RAD51B: variants seen among roughly 807,000 people sequenced by gnomAD.
The protein encoded by RAD51B is DNA repair protein RAD51 homolog 2.
RAD51B carries 38 observed loss-of-function variants against 42.2 expected under a neutral mutation model. The observed-to-expected ratio is 0.90, with a 90% CI of 0.70 to 1.18. The LOEUF is 1.18. Ranked by LOEUF, RAD51B falls within the 50% of genes most tolerant of loss-of-function variation. The probability of loss-of-function intolerance (pLI) is 0.00; values close to 1 mark genes in which losing one functional copy is unlikely to be tolerated. For synonymous variants in RAD51B, 154 were observed against 145.2 expected (o/e 1.06, Z -0.43); for missense variants, 373 against 400.7 (o/e 0.93, Z 0.59).
chr14:67,875,981 T>C (rs2042713316), intron 5 of RAD51B, among the ~76,000 whole-genome samples: 1 of 152,224 alleles, frequency 6.6e-6, no homozygotes, highest in South Asian at 2.1e-4. Flanking sequence ...GATAGTTTCA[T>C]GACACTGGGT....
chr14:68,064,698 T>C (rs1352921819), intron 7 of RAD51B, among the ~76,000 whole-genome samples: 1 of 152,088 alleles, frequency 6.6e-6, no homozygotes, highest in East Asian at 1.9e-4. Context: ...CTGAGTTATT[T>C]CAAAAACTTG....
intron 10 of RAD51B, among the ~76,000 whole-genome samples, chr14:68,607,666 G>C (rs770997500): frequency 6.6e-6 from 1 of 152,128 alleles, no homozygotes. Context: ...TCTTCTTCCC[G>C]GGGTCTCTGC....
intron 10 of RAD51B, among the ~76,000 whole-genome samples, chr14:68,492,599 AC>A (rs1884162559): frequency 6.6e-6 from 1 of 152,234 alleles, no homozygotes; most frequent in South Asian, 2.1e-4. Context: ...TTTTGAAGTT[AC>A]AAATTGCTAC....
chr14:68,292,801 C>G (rs866393166), intron 8 of RAD51B, among the ~76,000 whole-genome samples: 1 of 152,296 alleles, frequency 6.6e-6, no homozygotes, highest in Middle Eastern at 3.4e-3. Context: ...TTAGAAATTG[C>G]AAGAACCACA....
At chr14:68,196,053 G>T (rs1376951299) in intron 7 of RAD51B, among the ~76,000 whole-genome samples, 3 of 149,248 alleles carry the variant, frequency 2.0e-5, no homozygotes, top group Non-Finnish European at 4.5e-5. Context: ...AATACAAAAA[G>T]ATTAGCTGGG....
intron 5 of RAD51B, among the ~76,000 whole-genome samples, chr14:67,881,634 G>T (rs1184910458): frequency 6.6e-6 from 1 of 152,186 alleles, no homozygotes; most frequent in African/African-American, 2.4e-5. Context: ...CCTGGAAACT[G>T]CCTCTGGAGC....
Position 68,447,205 on chromosome 14 carries a change from T to C in RAD51B, c.958-20967T>C, listed in dbSNP as rs537408699. ...TGCACTCCAGCCTGGGCAACAAGAG[T>C]GAAACTCCATCTCAATAAAAATAAT... is the stretch of plus-strand genomic sequence containing the variant. On this transcript the variant is annotated intron_variant, in intron 9 of 10. Transcript: ENST00000471583. Among the ~76,000 whole-genome samples the C allele has an allele frequency of 7.9e-5, 12 of 152,076 alleles. No homozygotes were observed. The South Asian group carries it at 2.3e-3, about 29-fold the overall frequency.
chr14:68,324,275 A>C (rs1378110152), intron 8 of RAD51B, among the ~76,000 whole-genome samples: 1 of 152,210 alleles, frequency 6.6e-6, no homozygotes, highest in Non-Finnish European at 1.5e-5. Context: ...ATCTATACCC[A>C]ACCCGCACAT....
chr14:68,422,225 G>C (rs1594812600), intron 9 of RAD51B: 3 of 953,684 alleles, frequency 3.1e-6, no homozygotes. Context: ...TTCCTCAGCG[G>C]TGGCGTCCGC....
intron 7 of RAD51B, among the ~76,000 whole-genome samples, chr14:68,017,969 C>CAAATAAAT (rs1566581606): frequency 8.0e-6 from 1 of 124,900 alleles, no homozygotes; most frequent in African/African-American, 3.6e-5. Flanking sequence ...GACTCCGTCT[C>CAAATAAAT]GAATAAATAA....
At chr14:68,607,328 A>G (rs779652287) in intron 10 of RAD51B, among the ~76,000 whole-genome samples, 1 of 152,144 alleles carries the variant, frequency 6.6e-6, no homozygotes, top group Non-Finnish European at 1.5e-5. Flanking sequence ...TTCTTGTCCC[A>G]ATCCTGAGAG....
intron 9 of RAD51B, chr14:68,422,144 C>A: frequency 7.3e-7 from 1 of 1,373,958 alleles, no homozygotes; most frequent in Non-Finnish European, 1.0e-6. Context: ...GGAGACATGG[C>A]CCAAGGGCTC....
At chr14:68,551,593 C>T (rs1888574205) in intron 10 of RAD51B, among the ~76,000 whole-genome samples, 1 of 152,200 alleles carries the variant, frequency 6.6e-6, no homozygotes, top group Admixed American at 6.5e-5. Flanking sequence ...TATTTACATC[C>T]AGGATTTCTC....
chr14:67,925,706 G>C (rs888519470), intron 7 of RAD51B, among the ~76,000 whole-genome samples: 6 of 152,200 alleles, frequency 3.9e-5, no homozygotes, highest in African/African-American at 1.2e-4. Flanking sequence ...CTCCATAAGA[G>C]TCCTACCCCT....
chr14:68,031,168 A>G (rs2076035083), intron 7 of RAD51B, among the ~76,000 whole-genome samples: 1 of 152,220 alleles, frequency 6.6e-6, no homozygotes, highest in South Asian at 2.1e-4. Context: ...AAGCCTCACA[A>G]TCATGGTGGA....
chr14:68,350,475 G>A (rs1005652733), intron 8 of RAD51B, among the ~76,000 whole-genome samples: 2 of 152,248 alleles, frequency 1.3e-5, no homozygotes, highest in East Asian at 1.9e-4. Flanking sequence ...CTATAGCAGA[G>A]TGAGCAAAGG....
intron 8 of RAD51B, among the ~76,000 whole-genome samples, chr14:68,400,552 A>G (rs2084071201): frequency 6.6e-6 from 1 of 152,224 alleles, no homozygotes; most frequent in South Asian, 2.1e-4. Context: ...CAACTCTGGT[A>G]TCCGCCTGCT....
chr14:68,129,573 A>G (rs1446318347), intron 7 of RAD51B, among the ~76,000 whole-genome samples: 1 of 152,160 alleles, frequency 6.6e-6, no homozygotes, highest in East Asian at 1.9e-4. Context: ...AAATTTACAC[A>G]ATTTTCTTAA....
chr14:68,026,971 C>T (rs958752999), intron 7 of RAD51B, among the ~76,000 whole-genome samples: 6 of 152,098 alleles, frequency 3.9e-5, no homozygotes, highest in African/African-American at 1.2e-4. Context: ...TTTGTGGTAA[C>T]AGGTGTCATT....
Sources: gnomAD v4.1 joint callset for allele counts (sites outside exome capture counted in the v4.1 genomes callset) on GRCh38, gnomAD v4.1.1 for gene constraint, MANE v1.5 for transcripts, NCBI Gene and HGNC (gene_info 2026-07-23, HGNC 2026-07-21) for gene names.